Variants in ATP6V1C1 observed in about 807,000 individuals in gnomAD.
ATP6V1C1 encodes V-type proton ATPase subunit C 1.
ATP6V1C1 carries 45 observed loss-of-function variants against 53.9 expected under a neutral mutation model. That is an observed-to-expected ratio of 0.83 (90% confidence interval 0.66 to 1.07). The LOEUF is 1.07. Among genes scored for constraint, ATP6V1C1 ranks in the 50% least tolerant of loss-of-function variants. The pLI is 0.00. For synonymous variants in ATP6V1C1, 153 were observed against 155.2 expected, an observed-to-expected ratio of 0.99 and a Z score of 0.11; for missense variants, 315 against 440.3, an observed-to-expected ratio of 0.72 and a Z score of 2.55.
chr8:103,040,992 A>G, intron 2 of ATP6V1C1, 24 bp downstream of exon 2: 2 of 1,603,954 alleles, frequency 1.2e-6, no homozygotes, highest in Middle Eastern at 1.7e-4. Flanking sequence ...GTGCAAAATT[A>G]TATATGAGTT....
At chr8:103,046,169 T>G (rs1171032710) in intron 3 of ATP6V1C1, among the ~76,000 whole-genome samples, 1 of 152,128 alleles carries the variant, frequency 6.6e-6, no homozygotes, top group African/African-American at 2.4e-5. Context: ...GTTAATGGGA[T>G]GTCCTGAATA....
chr8:103,029,423 C>T (rs2017133), intron 1 of ATP6V1C1, among the ~76,000 whole-genome samples: 7,029 of 152,052 alleles, frequency 0.046, 192 homozygotes, highest in African/African-American at 0.066. Flanking sequence ...ATGCGTGCCA[C>T]CGTGTCTTGC....
chr8:103,032,089 A>G (rs1344700263), intron 1 of ATP6V1C1, among the ~76,000 whole-genome samples: 2 of 152,238 alleles, frequency 1.3e-5, no homozygotes, highest in Admixed American at 6.5e-5. Flanking sequence ...TTTCAAAAGC[A>G]TCATTAAGTC....
At chr8:103,037,048 G>A (rs1282611177) in intron 1 of ATP6V1C1, among the ~76,000 whole-genome samples, 1 of 144,570 alleles carries the variant, frequency 6.9e-6, no homozygotes, top group African/African-American at 2.4e-5. Flanking sequence ...GTTAAAGTTC[G>A]AGACAGTTTG....
chr8:103,051,039 C>T lies in ATP6V1C1; in HGVS notation c.287-11C>T, dbSNP rs574876225. On this transcript the variant is annotated splice_polypyrimidine_tract_variant and intron_variant, in intron 4 of 12. Coordinates refer to ENST00000518738, the MANE Select transcript of ATP6V1C1 (RefSeq NM_001695.5). ...TTTTTCTTCAGTAATTAATTTATTC[C>T]CTTATTTCAGTGGACTTGGTTACTT... 3.9e-6 allele frequency: 6 copies of T among 1,547,118 alleles called. No homozygotes were observed. In the African/African-American group the frequency reaches 6.8e-5, roughly 18 times the overall value.
In ATP6V1C1 at chr8:103,052,643, A is replaced by G. The variant is rs572070225; in HGVS notation, c.382-88A>G. 1.6e-5 allele frequency: 10 copies of G among 637,730 alleles called. No homozygotes were observed. The African/African-American group carries it at 1.7e-4, about 11-fold the overall frequency. The allele number at this position is 637,730 out of a possible 1,614,324, so 39.5% of individuals were successfully genotyped here. A position where few individuals can be genotyped will look rare whatever the true frequency, so the allele number is the denominator to read the frequency against. On this transcript the variant is annotated intron_variant, in intron 5 of 12. Coordinates refer to ENST00000518738, the MANE Select transcript of ATP6V1C1 (RefSeq NM_001695.5). ...ACTAGAAACTAGTGGGTTTTTTTGT[A>G]GAAGTTAAAGTTTAGCTACTTTGAT... is the stretch of plus-strand genomic sequence containing the variant.
At chr8:103,024,043 T>G (rs1816653133) in intron 1 of ATP6V1C1, among the ~76,000 whole-genome samples, 1 of 152,300 alleles carries the variant, frequency 6.6e-6, no homozygotes, top group East Asian at 1.9e-4. Context: ...ACAGTTCATC[T>G]GGAGGAAATA....
At chr8:103,049,311 A>C (rs1817159162) in intron 4 of ATP6V1C1, among the ~76,000 whole-genome samples, 3 of 152,242 alleles carry the variant, frequency 2.0e-5, no homozygotes, top group Admixed American at 1.3e-4. Flanking sequence ...GTTCCAGTTG[A>C]ATACCTGCTG....
chr8:103,039,235 A>G (rs549937356), intron 1 of ATP6V1C1, among the ~76,000 whole-genome samples: 1 of 152,330 alleles, frequency 6.6e-6, no homozygotes, highest in South Asian at 2.1e-4. Flanking sequence ...AGTACCTTTT[A>G]TATGGTAGAT....
rs549342844 is a variant in ATP6V1C1 at position 103,042,578 on chromosome 8, A to C, written c.200+171A>C. Among the ~76,000 whole-genome samples the C allele has an allele frequency of 3.9e-5, 6 of 152,192 alleles. 1 individual carries two copies. Among genetic ancestry groups the C allele is most frequent in the African/African-American group, 1.4e-4 (6 of 41,450 alleles). On this transcript the variant is annotated intron_variant, in intron 3 of 12. Coordinates refer to ENST00000518738, the MANE Select transcript of ATP6V1C1 (RefSeq NM_001695.5). ...TGAAGGTACAATTTACATAAAATGC[A>C]CCTGTTTGAAATATGAAAATGCTGA...
At chr8:103,057,932 T>C (rs1357319635) in intron 8 of ATP6V1C1, among the ~76,000 whole-genome samples, 2 of 152,146 alleles carry the variant, frequency 1.3e-5, no homozygotes, top group African/African-American at 4.8e-5. Flanking sequence ...TCACTTAGGC[T>C]GTTGATACTG....
chr8:103,058,060 C>T (rs1393254234), intron 8 of ATP6V1C1, among the ~76,000 whole-genome samples: 5 of 152,112 alleles, frequency 3.3e-5, no homozygotes, highest in Non-Finnish European at 7.3e-5. Flanking sequence ...CATACGCCAA[C>T]CCAGATGTCC....
In ATP6V1C1 at chr8:103,032,210, A is replaced by G. The variant is rs187909813; in HGVS notation, c.-39-8588A>G. ...ACTCAATAAGTGAATCCAGTTTTTTAAAAACTGGGCAAAAGACTTGAATAG... is the reference window on the plus strand; with the variant it reads ...ACTCAATAAGTGAATCCAGTTTTTTGAAAACTGGGCAAAAGACTTGAATAG... On this transcript the variant is annotated intron_variant, in intron 1 of 12. Coordinates refer to ENST00000518738, the MANE Select transcript of ATP6V1C1 (RefSeq NM_001695.5). Among the ~76,000 whole-genome samples, 122 of 152,324 alleles carry G rather than the reference A, an allele frequency of 8.0e-4. 1 individual carries two copies. The highest frequency in any genetic ancestry group is 2.9e-3 in the African/African-American group (120 of 41,572).
intron 1 of ATP6V1C1, among the ~76,000 whole-genome samples, chr8:103,028,685 T>G (rs1440562823): frequency 6.6e-6 from 1 of 152,208 alleles, no homozygotes; most frequent in African/African-American, 2.4e-5. Context: ...TGCAGACAAT[T>G]ATATGCAGAA....
At chr8:103,050,925 T>G in intron 4 of ATP6V1C1, 125 bp from the exon 5 acceptor site, 1 of 670,394 alleles carries the variant, frequency 1.5e-6, no homozygotes, top group Non-Finnish European at 2.6e-6. Context: ...TAATCAGGAT[T>G]CTTCAGAAAT....
chr8:103,060,356 G>A (rs796700834), intron 8 of ATP6V1C1, among the ~76,000 whole-genome samples: 8 of 152,272 alleles, frequency 5.3e-5, no homozygotes, highest in Non-Finnish European at 8.8e-5. Flanking sequence ...TGTCTGGAAC[G>A]TTCTTCTCTT....
intron 5 of ATP6V1C1, 107 bp from the exon 6 acceptor site, chr8:103,052,624 A>G: frequency 2.0e-6 from 1 of 511,714 alleles, no homozygotes; most frequent in Non-Finnish European, 3.2e-6. Flanking sequence ...TTACACTAGA[A>G]ACTAGTGGGT....
intron 1 of ATP6V1C1, among the ~76,000 whole-genome samples, chr8:103,030,988 A>G (rs1002180524): frequency 1.3e-5 from 2 of 152,186 alleles, no homozygotes; most frequent in African/African-American, 2.4e-5. Context: ...TATCCTAACA[A>G]TGTTTGAAAA....
chr8:103,028,121 A>G (rs913593545), intron 1 of ATP6V1C1, among the ~76,000 whole-genome samples: 6 of 152,188 alleles, frequency 3.9e-5, no homozygotes, highest in Non-Finnish European at 5.9e-5. Context: ...TGGGAGAAGT[A>G]GTGGGATTAT....
Sources: allele counts gnomAD v4.1 joint callset (sites outside exome capture counted in the v4.1 genomes callset), GRCh38; gene constraint gnomAD v4.1.1; transcripts MANE v1.5; gene names NCBI Gene and HGNC (gene_info 2026-07-23, HGNC 2026-07-21).